The following EIPR1 variants were observed in gnomAD, a reference collection of about 807,000 sequenced individuals.
EIPR1 encodes EARP complex and GARP complex interacting protein 1.
EIPR1 carries 25 observed loss-of-function variants against 48.1 expected under a neutral mutation model. The observed-to-expected ratio is 0.52, with a 90% CI of 0.38 to 0.73. The LOEUF (loss-of-function observed/expected upper bound fraction) is 0.73. Among genes scored for constraint, EIPR1 ranks in the 30% least tolerant of loss-of-function variants. EIPR1 has a pLI of 0.00. For synonymous variants in EIPR1, 204 were observed against 201.9 expected (o/e 1.01, Z -0.09); for missense variants, 415 against 506.2 (o/e 0.82, Z 1.73).
At chr2:3,354,394 C>T (rs947322270) in intron 2 of EIPR1, among the ~76,000 whole-genome samples, 156 bp downstream of exon 2, 10 of 152,190 alleles carry the variant, frequency 6.6e-5, no homozygotes, top group Admixed American at 1.3e-4. Flanking sequence ...GGATAATATT[C>T]TTTGATTTGA....
chr2:3,301,154 T>A (rs1668751672), intron 3 of EIPR1: 1 of 152,118 alleles, frequency 6.6e-6, no homozygotes, highest in African/African-American at 2.4e-5. Context: ...GAGGTCAGCA[T>A]CACGGGCACG....
chr2:3,237,221 T>TACACACACACACACACACACACAC (rs35498711), intron 4 of EIPR1, among the ~76,000 whole-genome samples: 18 of 127,840 alleles, frequency 1.4e-4, no homozygotes, highest in East Asian at 1.1e-3. Flanking sequence ...TTTTGAAAAC[T>TACACACACACACACACACACACAC]ACACACACAC....
At chr2:3,218,308 T>G (rs1387006340) in intron 4 of EIPR1, among the ~76,000 whole-genome samples, 4 of 81,812 alleles carry the variant, frequency 4.9e-5, no homozygotes, top group South Asian at 7.7e-4. Context: ...ACTCTAGAGC[T>G]TTCACAGTGA....
chr2:3,313,792 C>A (rs777108093), intron 3 of EIPR1, among the ~76,000 whole-genome samples: 1 of 152,174 alleles, frequency 6.6e-6, no homozygotes, highest in Non-Finnish European at 1.5e-5. Flanking sequence ...ATGAGAAACT[C>A]AAGGCCCAAG....
At chr2:3,287,639 C>G (rs548358499) in intron 3 of EIPR1, among the ~76,000 whole-genome samples, 3 of 151,668 alleles carry the variant, frequency 2.0e-5, no homozygotes, top group Non-Finnish European at 2.9e-5. Flanking sequence ...TCGTTCACCA[C>G]GCTCCGGAAA....
chr2:3,256,574 G>A (rs1490304656), intron 4 of EIPR1, among the ~76,000 whole-genome samples: 5 of 152,190 alleles, frequency 3.3e-5, no homozygotes, highest in African/African-American at 4.8e-5. Flanking sequence ...TTTGTCTCTT[G>A]CAGACACACA....
chr2:3,361,132 T>C (rs1670842241), intron 1 of EIPR1, among the ~76,000 whole-genome samples: 1 of 152,214 alleles, frequency 6.6e-6, no homozygotes, highest in African/African-American at 2.4e-5. Flanking sequence ...GAGGTGATGA[T>C]GCTCTATTTC....
intron 3 of EIPR1, among the ~76,000 whole-genome samples, chr2:3,315,209 C>G (rs112854439): frequency 0.87 from 34,253 of 39,576 alleles, 14,553 homozygotes; most frequent in Middle Eastern, 0.91. Context: ...CCCATCCACA[C>G]CCCCTACCAC....
intron 6 of EIPR1, among the ~76,000 whole-genome samples, chr2:3,195,897 G>A (rs1475377201): frequency 6.6e-6 from 1 of 152,162 alleles, no homozygotes; most frequent in Non-Finnish European, 1.5e-5. Flanking sequence ...TCAAAGCCAC[G>A]GGCATCTTTT....
At chr2:3,284,395 C>T (rs561540534) in intron 3 of EIPR1, among the ~76,000 whole-genome samples, 1 of 125,084 alleles carries the variant, frequency 8.0e-6, no homozygotes, top group South Asian at 2.9e-4. Flanking sequence ...CACGGCTGCA[C>T]GTAAGCTGGG....
chr2:3,257,249 T>C, intron 4 of EIPR1, 50 bp downstream of exon 4: 1 of 1,574,590 alleles, frequency 6.4e-7, no homozygotes, highest in Non-Finnish European at 8.7e-7. Context: ...CTCCTGCACC[T>C]GGCCAACCTG....
Position 3,198,907 on chromosome 2 carries a change from G to T in EIPR1, c.517-1890C>A, listed in dbSNP as rs867924168. On this transcript the variant is annotated intron_variant, in intron 5 of 8. Transcript: ENST00000382125. Reference sequence around the variant, plus strand: ...TTGTCATTGATAAACATCTTAACAGGGTTCAAGAGCAGAGAACCCATCTGA... The same window carrying T: ...TTGTCATTGATAAACATCTTAACAGTGTTCAAGAGCAGAGAACCCATCTGA... 9.9e-5 allele frequency among the ~76,000 whole-genome samples: 15 copies of T among 152,140 alleles called. No homozygotes were observed. The Middle Eastern group carries it at 0.01, about 103-fold the overall frequency.
At chr2:3,307,655 GGA>G (rs1236987917) in intron 3 of EIPR1, among the ~76,000 whole-genome samples, 1 of 152,250 alleles carries the variant, frequency 6.6e-6, no homozygotes, top group Non-Finnish European at 1.5e-5. Context: ...CACTTCTCCT[GGA>G]GGGAGAGAGT....
chr2:3,291,286 G>C (rs1372091794), intron 3 of EIPR1, among the ~76,000 whole-genome samples: 2 of 152,192 alleles, frequency 1.3e-5, no homozygotes, highest in African/African-American at 4.8e-5. Flanking sequence ...TATATGAAGA[G>C]TACATGGTTC....
intron 3 of EIPR1, among the ~76,000 whole-genome samples, chr2:3,297,867 G>A (rs962614562): frequency 9.9e-5 from 15 of 152,130 alleles, no homozygotes; most frequent in Admixed American, 9.8e-4. Context: ...TGTCATCCAG[G>A]CTGGAGTGCA....
At chr2:3,226,115 CT>C (rs1358891022) in intron 4 of EIPR1, among the ~76,000 whole-genome samples, 1 of 152,214 alleles carries the variant, frequency 6.6e-6, no homozygotes, top group Admixed American at 6.5e-5. Flanking sequence ...GTGCAGGGAT[CT>C]CTTTGAGCTA....
At chr2:3,345,025 G>A (rs751885365) in intron 2 of EIPR1, among the ~76,000 whole-genome samples, 4 of 152,078 alleles carry the variant, frequency 2.6e-5, no homozygotes, top group African/African-American at 4.8e-5. Flanking sequence ...CAGTACACTC[G>A]GCAGTGGGAG....
chr2:3,218,521 C>T (rs1333504892), intron 4 of EIPR1, among the ~76,000 whole-genome samples: 8 of 148,236 alleles, frequency 5.4e-5, no homozygotes, highest in African/African-American at 2.0e-4. Flanking sequence ...AGAGCATTCA[C>T]AGTGAGTCAG....
At chr2:3,370,555 A>C (rs1226833710) in intron 1 of EIPR1, among the ~76,000 whole-genome samples, 1 of 152,204 alleles carries the variant, frequency 6.6e-6, no homozygotes, top group Non-Finnish European at 1.5e-5. Context: ...GAGCTGATGG[A>C]GCTGAAAGCC....
Sources: gnomAD v4.1 joint callset for allele counts (sites outside exome capture counted in the v4.1 genomes callset) on GRCh38, gnomAD v4.1.1 for gene constraint, MANE v1.5 for transcripts, NCBI Gene and HGNC (gene_info 2026-07-23, HGNC 2026-07-21) for gene names.